LYPD6: variants seen among roughly 807,000 people sequenced by gnomAD.
LYPD6 encodes ly6/PLAUR domain-containing protein 6.
In LYPD6, 15 loss-of-function variants were observed where a neutral mutation model predicts 22.7. The ratio of observed to expected loss-of-function variants is 0.66; its 90% confidence interval spans 0.44 to 1.02. The LOEUF (loss-of-function observed/expected upper bound fraction) is 1.02, where lower values mean the gene tolerates loss of function less well. LYPD6 is among the 50% of genes least tolerant of loss of function. The pLI, the probability that LYPD6 is intolerant of heterozygous loss-of-function variation, is 0.00. For synonymous variants in LYPD6, 72 were observed against 77.5 expected (o/e 0.93, Z 0.37); for missense variants, 189 against 208.4 (o/e 0.91, Z 0.57).
At chr2:149,333,546 T>A (rs1680977198) in intron 1 of LYPD6, among the ~76,000 whole-genome samples, 3 of 152,236 alleles carry the variant, frequency 2.0e-5, no homozygotes, top group South Asian at 2.1e-4. Flanking sequence ...TTTTCTTATG[T>A]GTAAAGCATG....
intron 1 of LYPD6, among the ~76,000 whole-genome samples, chr2:149,397,125 A>G (rs1183258499): frequency 6.6e-6 from 1 of 152,142 alleles, no homozygotes; most frequent in Non-Finnish European, 1.5e-5. Flanking sequence ...GTGGATATGG[A>G]GGGCCAGCAG....
intron 1 of LYPD6, among the ~76,000 whole-genome samples, chr2:149,435,170 A>G (rs996143963): frequency 1.3e-5 from 2 of 152,236 alleles, no homozygotes; most frequent in Non-Finnish European, 2.9e-5. Context: ...GAGAGGCCTC[A>G]GGAGACAGCA....
chr2:149,428,308 C>T (rs1449301938), intron 1 of LYPD6, among the ~76,000 whole-genome samples: 1 of 152,184 alleles, frequency 6.6e-6, no homozygotes, highest in Admixed American at 6.5e-5. Context: ...CCAGCTCAAA[C>T]TAGCTTGGGC....
Position 149,400,333 on chromosome 2 carries a change from A to G in LYPD6, c.-71-37305A>G, listed in dbSNP as rs577143539. On this transcript the variant is annotated intron_variant, in intron 1 of 4. Coordinates refer to ENST00000334166, the MANE Select transcript of LYPD6 (RefSeq NM_194317.5). ...TTTCCTGCTGATCGATAGGTCGCAC[A>G]TGGCTGTTTACCTAGCAAACGGAAA... 2.6e-5 allele frequency among the ~76,000 whole-genome samples: 4 copies of G among 152,352 alleles called. No individual in the cohort carries two copies. The East Asian group carries it at 7.7e-4, about 29-fold the overall frequency.
At chr2:149,483,204 G>T in the LYPD6 span, among the ~76,000 whole-genome samples, 3 of 152,228 alleles carry the variant, frequency 2.0e-5, no homozygotes, top group Non-Finnish European at 2.9e-5. Flanking sequence ...TGGCATTCAA[G>T]TGCAGGGCTT....
At chr2:149,416,056 C>T (rs1430824805) in intron 1 of LYPD6, among the ~76,000 whole-genome samples, 2 of 152,150 alleles carry the variant, frequency 1.3e-5, no homozygotes, top group Non-Finnish European at 2.9e-5. Context: ...GCCTTACAGA[C>T]CTCTTTTTCT....
chr2:149,390,616 C>G (rs556069477), intron 1 of LYPD6, among the ~76,000 whole-genome samples: 1 of 152,254 alleles, frequency 6.6e-6, no homozygotes, highest in Non-Finnish European at 1.5e-5. Flanking sequence ...TCATGTAGGC[C>G]CTGCCTGTAC....
At chr2:149,361,586 C>T (rs1681572702) in intron 1 of LYPD6, among the ~76,000 whole-genome samples, 1 of 152,190 alleles carries the variant, frequency 6.6e-6, no homozygotes, top group South Asian at 2.1e-4. Context: ...CACTTTGTTT[C>T]TTCTCTAACC....
intron 1 of LYPD6, among the ~76,000 whole-genome samples, chr2:149,413,406 A>G (rs959800560): frequency 2.0e-5 from 3 of 152,176 alleles, no homozygotes; most frequent in African/African-American, 7.2e-5. Flanking sequence ...AAATGACGAG[A>G]TAGAGAGAGA....
At chr2:149,459,886 A>G (rs1176129866) in intron 3 of LYPD6, among the ~76,000 whole-genome samples, 1 of 136,568 alleles carries the variant, frequency 7.3e-6, no homozygotes, top group Non-Finnish European at 1.6e-5. Context: ...TGGGTGACAG[A>G]GTAAGACTTT....
chr2:149,435,913 T>C (rs1683420664), intron 1 of LYPD6, among the ~76,000 whole-genome samples: 1 of 152,238 alleles, frequency 6.6e-6, no homozygotes, highest in Non-Finnish European at 1.5e-5. Flanking sequence ...CATCTGGAAG[T>C]AATTTAGCAT....
intron 1 of LYPD6, among the ~76,000 whole-genome samples, chr2:149,386,351 G>A (rs1473524080): frequency 3.3e-5 from 5 of 152,064 alleles, no homozygotes; most frequent in Non-Finnish European, 7.4e-5. Flanking sequence ...TTTTAATAAC[G>A]TTATAGACAT....
intron 1 of LYPD6, among the ~76,000 whole-genome samples, chr2:149,345,146 C>A (rs923127588): frequency 1.3e-5 from 2 of 152,112 alleles, no homozygotes; most frequent in African/African-American, 4.8e-5. Flanking sequence ...AGTAAGGATT[C>A]ACACTGACTA....
intron 1 of LYPD6, among the ~76,000 whole-genome samples, chr2:149,381,317 A>G (rs1220620816): frequency 6.6e-6 from 1 of 152,132 alleles, no homozygotes; most frequent in Non-Finnish European, 1.5e-5. Flanking sequence ...TGTAGTAGAG[A>G]GCAAAAAGTT....
intron 1 of LYPD6, among the ~76,000 whole-genome samples, chr2:149,389,913 C>T (rs1396944851): frequency 6.6e-6 from 1 of 152,092 alleles, no homozygotes; most frequent in East Asian, 1.9e-4. Context: ...GCATGGTGGC[C>T]GGCTGTCTTG....
At chr2:149,384,179 T>C (rs1452354127) in intron 1 of LYPD6, among the ~76,000 whole-genome samples, 1 of 152,216 alleles carries the variant, frequency 6.6e-6, no homozygotes, top group Non-Finnish European at 1.5e-5. Context: ...CTTCATTTTT[T>C]AACAGCATCT....
chr2:149,451,921 T>C (rs990682387), intron 3 of LYPD6, among the ~76,000 whole-genome samples: 5 of 152,124 alleles, frequency 3.3e-5, no homozygotes, highest in Non-Finnish European at 4.4e-5. Flanking sequence ...ATGTCAAAAT[T>C]AGCAGGACAA....
At chr2:149,353,011 G>T (rs776189224) in intron 1 of LYPD6, among the ~76,000 whole-genome samples, 1 of 152,214 alleles carries the variant, frequency 6.6e-6, no homozygotes, top group Non-Finnish European at 1.5e-5. Context: ...TCTGGTCCTT[G>T]AATGCAGTGT....
downstream of LYPD6, among the ~76,000 whole-genome samples, chr2:149,475,521 C>T (rs745496288): frequency 6.6e-6 from 1 of 152,226 alleles, no homozygotes; most frequent in African/African-American, 2.4e-5. Flanking sequence ...GAAGCCTTCA[C>T]TTTCAGCAGT....
Sources: allele counts gnomAD v4.1 joint callset (sites outside exome capture counted in the v4.1 genomes callset), GRCh38; gene constraint gnomAD v4.1.1; transcripts MANE v1.5; gene names NCBI Gene and HGNC (gene_info 2026-07-23, HGNC 2026-07-21).